Variants in SLC25A40 observed in about 807,000 individuals in gnomAD.
The protein encoded by SLC25A40 is solute carrier family 25 member 40, also known as mitochondrial glutathione transporter SLC25A40.
In SLC25A40, 41 loss-of-function variants were observed where a neutral mutation model predicts 46.5. That is an observed-to-expected ratio of 0.88 (90% CI 0.69 to 1.14). The LOEUF is 1.14. SLC25A40 is among the 50% of genes most tolerant of loss of function. The pLI, the probability that SLC25A40 is intolerant of heterozygous loss-of-function variation, is 0.00. For missense variants in SLC25A40, 386 were observed against 393.6 expected (o/e 0.98, Z 0.16); for synonymous variants, 126 against 127.5 (o/e 0.99, Z 0.08).
rs576144775 is a variant in SLC25A40 at position 87,836,120 on chromosome 7, A to G, written c.*129T>C. The G allele has an allele frequency of 9.3e-6, 5 of 540,146 alleles. No individual in the cohort carries two copies. Among genetic ancestry groups the G allele is most frequent in the Admixed American group, 4.1e-5 (1 of 24,628 alleles). The allele number at this position is 540,146 out of a possible 1,614,324, so 33.5% of individuals were successfully genotyped here. A position where few individuals can be genotyped will look rare whatever the true frequency, so the allele number is the denominator to read the frequency against. On this transcript the variant is annotated 3_prime_UTR_variant, in exon 12 of 12. Coordinates refer to ENST00000341119, the MANE Select transcript of SLC25A40 (RefSeq NM_018843.4). ...ATTATGATTTAGAGGTAGAGCTGAA[A>G]TTATTTATTTAAATTATAGGAAAGA...
intron 5 of SLC25A40, among the ~76,000 whole-genome samples, chr7:87,850,481 G>A (rs980684724): frequency 4.6e-5 from 7 of 152,090 alleles, no homozygotes; most frequent in East Asian, 3.9e-4. Flanking sequence ...ATAAGCACAC[G>A]AAAAACTGTT....
At chr7:87,874,214 C>A (rs564286898) in intron 1 of SLC25A40, among the ~76,000 whole-genome samples, 1 of 152,300 alleles carries the variant, frequency 6.6e-6, no homozygotes, top group South Asian at 2.1e-4. Flanking sequence ...TCAGTGCAGT[C>A]GAGGGTGAGT....
intron 1 of SLC25A40, among the ~76,000 whole-genome samples, chr7:87,863,337 G>C (rs1025479712): frequency 6.6e-6 from 1 of 152,010 alleles, no homozygotes; most frequent in Non-Finnish European, 1.5e-5. Flanking sequence ...ATGTTCTTGT[G>C]ATAGTGCGTT....
intron 4 of SLC25A40, among the ~76,000 whole-genome samples, chr7:87,854,637 CCT>C (rs1306548712): frequency 2.0e-5 from 3 of 151,306 alleles, no homozygotes; most frequent in Non-Finnish European, 4.4e-5. Context: ...ACAGTGAAAC[CCT>C]GTTTCTACTA....
Position 87,863,442 on chromosome 7 carries a change from T to C in SLC25A40, c.-93-2802A>G, listed in dbSNP as rs1282684059. Among the ~76,000 whole-genome samples, 2 of 152,072 alleles carry C rather than the reference T, an allele frequency of 1.3e-5. 1 individual carries two copies. On this transcript the variant is annotated intron_variant, in intron 1 of 11. Transcript: ENST00000341119. ...ATGTGAAGGACATGTGTGCTTCCTCTTCCACTGTGATTGCCAGTTTCCTGA... is the reference window on the plus strand; with the variant it reads ...ATGTGAAGGACATGTGTGCTTCCTCCTCCACTGTGATTGCCAGTTTCCTGA...
intron 5 of SLC25A40, among the ~76,000 whole-genome samples, chr7:87,851,755 A>G (rs1446478983): frequency 6.6e-6 from 1 of 152,170 alleles, no homozygotes; most frequent in Non-Finnish European, 1.5e-5. Flanking sequence ...TTCTAACGCT[A>G]CCCGGCAGTA....
At position 87,855,811 on chromosome 7, in the gene SLC25A40, G is replaced by A. The variant is rs117816455; in HGVS notation, c.157+481C>T. Reference sequence around the variant, plus strand: ...ATCTTTATAAACCTATAAAATCTAAGGAATTGCGAATTTTGCCTATCTTAT... The same window carrying A: ...ATCTTTATAAACCTATAAAATCTAAAGAATTGCGAATTTTGCCTATCTTAT... On this transcript the variant is annotated intron_variant, in intron 4 of 11. Coordinates refer to ENST00000341119, the MANE Select transcript of SLC25A40 (RefSeq NM_018843.4). Among the ~76,000 whole-genome samples, 435 of 152,200 alleles carry A rather than the reference G, an allele frequency of 2.9e-3. 3 individuals are homozygous for A. The highest frequency in any genetic ancestry group is 4.5e-3 in the Non-Finnish European group (308 of 67,992).
chr7:87,836,350 G>T lies in SLC25A40; in HGVS notation c.916C>A (p.Arg306Ser). 1 of 1,539,424 alleles carries T rather than the reference G, an allele frequency of 6.5e-7. No individual in the cohort carries two copies. The highest frequency in any genetic ancestry group is 8.7e-7 in the Non-Finnish European group (1 of 1,147,524). Residue 306 changes from arginine (R) to serine (S), a missense_variant, in exon 12 of 12, where the codon CGC becomes AGC. Coordinates refer to ENST00000341119, the MANE Select transcript of SLC25A40 (RefSeq NM_018843.4). ...CAAGCAGGAGCAATTTTAATTAAGC[G>T]AGGAATTAGGCCTGAGAAAAGAATA... Reference protein sequence around the residue: ...FSGLFSGLIPRLIKIAPACAI... With the variant: ...FSGLFSGLIPSLIKIAPACAI...
chr7:87,846,635 C>CTAAT (rs1202839446), intron 8 of SLC25A40, among the ~76,000 whole-genome samples: 4 of 151,966 alleles, frequency 2.6e-5, no homozygotes, highest in African/African-American at 4.8e-5. Flanking sequence ...ACTTATCTTA[C>CTAAT]TAATTGCTTA....
intron 5 of SLC25A40, 83 bp from the exon 6 acceptor site, chr7:87,850,031 C>T: frequency 1.2e-6 from 1 of 841,300 alleles, no homozygotes; most frequent in Non-Finnish European, 1.8e-6. Flanking sequence ...TTGGTAATTT[C>T]ATTCTTTCAG....
chr7:87,859,202 C>A (rs111597134), intron 2 of SLC25A40, among the ~76,000 whole-genome samples: 4 of 152,222 alleles, frequency 2.6e-5, no homozygotes, highest in African/African-American at 9.6e-5. Flanking sequence ...CACCTGTAAC[C>A]CCAGCACTTT....
intron 9 of SLC25A40, among the ~76,000 whole-genome samples, chr7:87,843,511 G>C (rs1838366212): frequency 6.6e-6 from 1 of 151,972 alleles, no homozygotes; most frequent in Admixed American, 6.6e-5. Flanking sequence ...TAACTGTAAT[G>C]ATCTAACAAA....
At chr7:87,849,394 C>T (rs1210387246) in intron 6 of SLC25A40, among the ~76,000 whole-genome samples, 1 of 152,174 alleles carries the variant, frequency 6.6e-6, no homozygotes, top group Non-Finnish European at 1.5e-5. Context: ...ATTTATAGTA[C>T]ACTTCTTTCC....
intron 10 of SLC25A40, among the ~76,000 whole-genome samples, chr7:87,838,354 G>A (rs1838285531): frequency 6.6e-6 from 1 of 151,382 alleles, no homozygotes; most frequent in Non-Finnish European, 1.5e-5. Context: ...TAACAGGAAG[G>A]TGAAATTAAG....
At chr7:87,854,056 GA>G in intron 5 of SLC25A40, 147 bp downstream of exon 5, 1 of 562,674 alleles carries the variant, frequency 1.8e-6, no homozygotes, top group East Asian at 3.2e-5. Flanking sequence ...ATGAACCTAT[GA>G]AAAGGTTAAC....
chr7:87,857,445 T>C (rs901799146), intron 3 of SLC25A40, among the ~76,000 whole-genome samples: 6 of 152,218 alleles, frequency 3.9e-5, no homozygotes, highest in Non-Finnish European at 7.3e-5. Context: ...CTCAAGTCTC[T>C]TGAATCTCTG....
chr7:87,846,773 A>G (rs554115280), intron 8 of SLC25A40, among the ~76,000 whole-genome samples, 176 bp downstream of exon 8: 13 of 152,322 alleles, frequency 8.5e-5, no homozygotes, highest in African/African-American at 2.9e-4. Context: ...AATAAAAACT[A>G]TTCATTCAAT....
rs753940678 is a variant in SLC25A40 at position 87,847,138 on chromosome 7, T to C, written c.458-16A>G. 1 of 1,550,126 alleles carries C rather than the reference T, an allele frequency of 6.5e-7. No homozygotes were observed. Among genetic ancestry groups the C allele is most frequent in the Non-Finnish European group, 8.7e-7 (1 of 1,148,440 alleles). On this transcript the variant is annotated splice_polypyrimidine_tract_variant and intron_variant, in intron 7 of 11. Transcript: ENST00000341119. ...ACTGCACCAACTAATACAAACAAGTTAAAAAAAAGAAAACAAAAATAAAGC... is the reference window on the plus strand; with the variant it reads ...ACTGCACCAACTAATACAAACAAGTCAAAAAAAAGAAAACAAAAATAAAGC...
intron 5 of SLC25A40, among the ~76,000 whole-genome samples, chr7:87,850,752 G>C (rs1009401218): frequency 6.6e-6 from 1 of 151,292 alleles, no homozygotes; most frequent in African/African-American, 2.4e-5. Flanking sequence ...CTGGGCAACA[G>C]AGTGAGACCC....
Sources: allele counts gnomAD v4.1 joint callset (sites outside exome capture counted in the v4.1 genomes callset), GRCh38; gene constraint gnomAD v4.1.1; transcripts MANE v1.5; gene names NCBI Gene and HGNC (gene_info 2026-07-23, HGNC 2026-07-21).